Variants in DPYSL3 observed in about 807,000 individuals in gnomAD.
The protein encoded by DPYSL3 is dihydropyrimidinase-related protein 3.
DPYSL3 carries 16 observed loss-of-function variants against 66.1 expected under a neutral mutation model. The observed-to-expected ratio is 0.24, with a 90% CI of 0.16 to 0.37. The LOEUF (loss-of-function observed/expected upper bound fraction) is 0.37. Ranked by LOEUF, DPYSL3 falls within the 10% of genes least tolerant of loss-of-function variation. The pLI, the probability that DPYSL3 is intolerant of heterozygous loss-of-function variation, is 1.00. For synonymous variants in DPYSL3, 338 were observed against 345.1 expected (o/e 0.98, Z 0.23); for missense variants, 738 against 916.2 (o/e 0.81, Z 2.51).
At chr5:147,453,614 G>A (rs1002870679) in intron 1 of DPYSL3, 1 of 1,526,634 alleles carries the variant, frequency 6.6e-7, no homozygotes. Flanking sequence ...GCAGCGGCTG[G>A]CTCCCTCCCT....
chr5:147,468,637 AG>A (rs1753042539), intron 1 of DPYSL3, among the ~76,000 whole-genome samples: 1 of 152,176 alleles, frequency 6.6e-6, no homozygotes, highest in South Asian at 2.1e-4. Context: ...TTTGTTGTAA[AG>A]AACCTACTCT....
At chr5:147,477,205 T>G (rs138685655) in intron 1 of DPYSL3, among the ~76,000 whole-genome samples, 1 of 152,180 alleles carries the variant, frequency 6.6e-6, no homozygotes, top group Admixed American at 6.5e-5. Context: ...ACGGAATACA[T>G]TGTCTGGAAG....
At position 147,391,560 on chromosome 5, in the gene DPYSL3, T is replaced by C. The variant is rs1315341647; in HGVS notation, c.*2475A>G. 5 of 152,422 alleles carry C rather than the reference T, an allele frequency of 3.3e-5. No individual in the cohort carries two copies. The highest frequency in any genetic ancestry group is 4.8e-5 in the African/African-American group (2 of 41,470). 9.4% of individuals were successfully genotyped at this position (152,422 alleles called of 1,614,324 possible). ...AATCAGATAGACGATCCAGCGTGCC[T>C]TCCTACACTTGCATGAGGTGCCAGT... is the stretch of plus-strand genomic sequence containing the variant. On this transcript the variant is annotated 3_prime_UTR_variant, in exon 14 of 14. Transcript: ENST00000343218.
intron 1 of DPYSL3, among the ~76,000 whole-genome samples, chr5:147,494,966 C>T (rs1417486822): frequency 2.0e-5 from 3 of 151,642 alleles, no homozygotes; most frequent in Non-Finnish European, 4.4e-5. Flanking sequence ...TGAAAAGAGC[C>T]AGTTCCTCGA....
intron 7 of DPYSL3, among the ~76,000 whole-genome samples, chr5:147,407,819 G>A (rs547605282): frequency 1.5e-4 from 23 of 152,202 alleles, no homozygotes; most frequent in Admixed American, 9.2e-4. Flanking sequence ...ATACAAAGGA[G>A]TTTCTGAGGT....
At chr5:147,451,918 C>T (rs1752735468) in intron 1 of DPYSL3, among the ~76,000 whole-genome samples, 1 of 152,080 alleles carries the variant, frequency 6.6e-6, no homozygotes, top group Non-Finnish European at 1.5e-5. Context: ...CAATACTGTG[C>T]ATTGTAAAAG....
At chr5:147,476,919 A>G (rs898564445) in intron 1 of DPYSL3, among the ~76,000 whole-genome samples, 1 of 152,212 alleles carries the variant, frequency 6.6e-6, no homozygotes, top group Non-Finnish European at 1.5e-5. Context: ...TAGATGCTTT[A>G]GAATCAGGTT....
At chr5:147,439,273 G>A (rs1456378497) in intron 1 of DPYSL3, among the ~76,000 whole-genome samples, 16 of 152,138 alleles carry the variant, frequency 1.1e-4, no homozygotes, top group African/African-American at 3.6e-4. Context: ...ATAAGGGGAC[G>A]GTGGAGGCTG....
rs971203724 is a variant in DPYSL3 at position 147,509,954 on chromosome 5, G to A, written c.-96C>T. On this transcript the variant is annotated 5_prime_UTR_variant, in exon 1 of 14. Coordinates refer to ENST00000343218, the MANE Select transcript of DPYSL3 (RefSeq NM_001197294.2). This position sits in a 1 kb window ranked among gnomAD's most constrained non-coding sequence, Gnocchi z 5.3. ...CGCCGAGCCACAGTGACTGTGGCGG[G>A]AGGAGGCGCCTGAGCCTTCGCGCCA... The A allele has an allele frequency of 7.0e-7, 1 of 1,433,404 alleles. No homozygotes were observed. Among genetic ancestry groups the A allele is most frequent in the African/African-American group, 1.4e-5 (1 of 69,578 alleles). The allele number at this position is 1,433,404 out of a possible 1,614,324, so 88.8% of individuals were successfully genotyped here.
intron 1 of DPYSL3, among the ~76,000 whole-genome samples, chr5:147,484,784 G>T (rs1269905713): frequency 1.3e-5 from 2 of 152,208 alleles, no homozygotes; most frequent in Non-Finnish European, 2.9e-5. Context: ...CATATGATTT[G>T]ACGTGGTTTG....
At chr5:147,407,966 T>C (rs1365153513) in intron 7 of DPYSL3, among the ~76,000 whole-genome samples, 2 of 152,292 alleles carry the variant, frequency 1.3e-5, no homozygotes, top group East Asian at 1.9e-4. Context: ...GTTCTATTTA[T>C]ATTTTAAATA....
intron 1 of DPYSL3, among the ~76,000 whole-genome samples, chr5:147,433,889 G>A (rs566735212): frequency 1.4e-4 from 22 of 152,182 alleles, no homozygotes; most frequent in Admixed American, 3.3e-4. Context: ...AAAATTAACT[G>A]GGCGTGGTGG....
chr5:147,492,046 C>T (rs1224827176), intron 1 of DPYSL3, among the ~76,000 whole-genome samples: 1 of 151,828 alleles, frequency 6.6e-6, no homozygotes, highest in Non-Finnish European at 1.5e-5. Context: ...TAAAAGAAGC[C>T]ATAGGGGGGG....
chr5:147,457,747 T>G (rs959195619), intron 1 of DPYSL3, among the ~76,000 whole-genome samples: 4 of 152,144 alleles, frequency 2.6e-5, no homozygotes, highest in African/African-American at 9.7e-5. Context: ...AGGAGAGAAG[T>G]AGGTCAATGG....
At chr5:147,432,099 TC>T (rs1752326840) in intron 1 of DPYSL3, among the ~76,000 whole-genome samples, 1 of 151,892 alleles carries the variant, frequency 6.6e-6, no homozygotes, top group African/African-American at 2.4e-5. Flanking sequence ...CAGATGAGAG[TC>T]TCAAACACTC....
At chr5:147,480,242 C>G (rs147911126) in intron 1 of DPYSL3, among the ~76,000 whole-genome samples, 2 of 152,164 alleles carry the variant, frequency 1.3e-5, no homozygotes, top group Non-Finnish European at 2.9e-5. Flanking sequence ...CTTCTTTTTG[C>G]GCTGTCACTC....
rs1334226797 is a variant in DPYSL3 at position 147,394,087 on chromosome 5, T to C, written c.2003A>G (p.Lys668Arg). The C allele has an allele frequency of 3.1e-6, 5 of 1,614,010 alleles. No homozygotes were observed. The highest frequency in any genetic ancestry group is 4.2e-6 in the Non-Finnish European group (5 of 1,180,020). Reference sequence around the variant, plus strand: ...GCCGCCTGGGGGCGCCACGATGCGCTTGCTGGCTGAGCGAACCCCCTCATC... The same window carrying C: ...GCCGCCTGGGGGCGCCACGATGCGCCTGCTGGCTGAGCGAACCCCCTCATC... ...QVDEGVRSAS[K>R]RIVAPPGGRS... The change falls in exon 14 of 14, where the codon AAG becomes AGG. Residue 668 changes from lysine to arginine, a missense_variant. Transcript: ENST00000343218.
chr5:147,500,006 C>T lies in DPYSL3; in HGVS notation c.381+9472G>A, dbSNP rs115176465. On this transcript the variant is annotated intron_variant, in intron 1 of 13. Coordinates refer to ENST00000343218, the MANE Select transcript of DPYSL3 (RefSeq NM_001197294.2). Reference sequence around the variant, plus strand: ...ACCTATGTGCAAAAAAAAATCATAACACGGATCTATGCCATTCACAAAAAA... The same window carrying T: ...ACCTATGTGCAAAAAAAAATCATAATACGGATCTATGCCATTCACAAAAAA... Among the ~76,000 whole-genome samples the T allele has an allele frequency of 2.5e-3, 385 of 152,126 alleles. 1 individual carries two copies. The highest frequency in any genetic ancestry group is 8.9e-3 in the African/African-American group (371 of 41,508).
intron 1 of DPYSL3, among the ~76,000 whole-genome samples, chr5:147,480,209 C>T (rs989939695): frequency 6.6e-6 from 1 of 152,178 alleles, no homozygotes; most frequent in African/African-American, 2.4e-5. Context: ...ACTCCTGTAG[C>T]GGCAGTCATC....
Sources: gnomAD v4.1 joint callset for allele counts (sites outside exome capture counted in the v4.1 genomes callset) on GRCh38, gnomAD v4.1.1 for gene constraint, Gnocchi (gnomAD v3.1) non-coding constraint, MANE v1.5 for transcripts, NCBI Gene and HGNC (gene_info 2026-07-23, HGNC 2026-07-21) for gene names.